KCNJ13: variants seen among roughly 807,000 people sequenced by gnomAD.
The protein encoded by KCNJ13 is inward rectifier potassium channel 13.
A neutral mutation model predicts 24.6 loss-of-function variants in KCNJ13; 9 were observed. That is an observed-to-expected ratio of 0.37 (90% CI 0.22 to 0.64). The LOEUF (loss-of-function observed/expected upper bound fraction) is 0.64, where lower values mean the gene tolerates loss of function less well. Among genes scored for constraint, KCNJ13 ranks in the 30% least tolerant of loss-of-function variants. The pLI, the probability that KCNJ13 is intolerant of heterozygous loss-of-function variation, is 0.64. For synonymous variants in KCNJ13, 148 were observed against 154.7 expected (o/e 0.96, Z 0.32); for missense variants, 337 against 443.8 (o/e 0.76, Z 2.16).
In KCNJ13 at chr2:232,768,147, A is replaced by G. The variant is rs1699050605; in HGVS notation, c.*44T>C. Reference sequence around the variant, plus strand: ...GATACAGTAAAGAAAAAGTAGCTGCATAACTGGCTGGGTGTATTTAATACA... The same window carrying G: ...GATACAGTAAAGAAAAAGTAGCTGCGTAACTGGCTGGGTGTATTTAATACA... On this transcript the variant is annotated 3_prime_UTR_variant, in exon 3 of 3. Transcript: ENST00000233826. 2 of 1,599,102 alleles carry G rather than the reference A, an allele frequency of 1.3e-6. No individual in the cohort carries two copies. Among genetic ancestry groups the G allele is most frequent in the Non-Finnish European group, 1.7e-6 (2 of 1,167,484 alleles).
At position 232,766,773 on chromosome 2, in the gene KCNJ13, C is replaced by T. The variant is rs1698980374; in HGVS notation, c.*1418G>A. ...ACTTGCTGCTGAGCCCTGCTCTTCA[C>T]ACCTGCTTGCCTTTACTCAGCTAGT... On this transcript the variant is annotated 3_prime_UTR_variant, in exon 3 of 3. Coordinates refer to ENST00000233826, the MANE Select transcript of KCNJ13 (RefSeq NM_002242.4). 3 of 152,228 alleles carry T rather than the reference C, an allele frequency of 2.0e-5. 1 individual carries two copies. In the South Asian group the frequency reaches 6.2e-4, roughly 31 times the overall value. The allele number at this position is 152,228 out of a possible 1,614,324, so 9.4% of individuals were successfully genotyped here.
In KCNJ13 at chr2:232,768,762, C is replaced by T. The variant is rs752305262; in HGVS notation, c.512G>A (p.Arg171His). 20 of 1,599,402 alleles carry T rather than the reference C, an allele frequency of 1.3e-5. No homozygotes were observed. Among genetic ancestry groups the T allele is most frequent in the East Asian group, 2.2e-5 (1 of 44,520 alleles). Residue 171 changes from arginine (R) to histidine (H), a missense_variant, in exon 3 of 3, where the codon CGC becomes CAC. Physicochemically the swap from Arg to His is conservative, Grantham distance 29. Coordinates refer to ENST00000233826, the MANE Select transcript of KCNJ13 (RefSeq NM_002242.4). ...ARPKNRAFSI[R>H]FTDTAVVAHM... is the part of the protein sequence containing the mutation. ...AGCTACTACTGCTGTGTCAGTAAAG[C>T]GAATTGAAAAAGCTCGATTTTTTGG...
chr2:232,769,678 G>A (rs937153831), intron 2 of KCNJ13, among the ~76,000 whole-genome samples: 1 of 152,060 alleles, frequency 6.6e-6, no homozygotes, highest in African/African-American at 2.4e-5. Context: ...ATATATAAGA[G>A]TTTCTTAATC....
At position 232,768,169 on chromosome 2, in the gene KCNJ13, T is replaced by C; in HGVS notation, c.*22A>G. 1 of 1,612,776 alleles carries C rather than the reference T, an allele frequency of 6.2e-7. No individual in the cohort carries two copies. The highest frequency in any genetic ancestry group is 8.5e-7 in the Non-Finnish European group (1 of 1,178,970). On this transcript the variant is annotated 3_prime_UTR_variant, in exon 3 of 3. Coordinates refer to ENST00000233826, the MANE Select transcript of KCNJ13 (RefSeq NM_002242.4). ...TGCATAACTGGCTGGGTGTATTTAATACATTAAAAAATGGATAAGTCTTAT... is the reference window on the plus strand; with the variant it reads ...TGCATAACTGGCTGGGTGTATTTAACACATTAAAAAATGGATAAGTCTTAT...
chr2:232,771,090 G>A lies in KCNJ13; in HGVS notation c.273C>T (p.Ala91=). ...CACAGATAGTGTGGTTTTCAGGTGG[G>A]GCATCATGATCTAGTTCCAGATCAC... ...MNGDLELDHD[A]PPENHTICVK... is the part of the protein sequence containing the mutation. The change falls in exon 2 of 3, where the codon GCC becomes GCT. Residue 91 remains alanine (A), a synonymous_variant. Coordinates refer to ENST00000233826, the MANE Select transcript of KCNJ13 (RefSeq NM_002242.4). 4.3e-6 allele frequency: 7 copies of A among 1,613,946 alleles called. No individual in the cohort carries two copies. The highest frequency in any genetic ancestry group is 5.9e-6 in the Non-Finnish European group (7 of 1,179,986).
intron 2 of KCNJ13, 109 bp from the exon 3 acceptor site, chr2:232,768,922 C>A: frequency 2.1e-6 from 2 of 945,830 alleles, no homozygotes; most frequent in Non-Finnish European, 3.1e-6. Context: ...GGTGCCATGC[C>A]TTTCAGTGAG....
chr2:232,767,454 T>G lies in KCNJ13; in HGVS notation c.*737A>C, dbSNP rs1699021399. On this transcript the variant is annotated 3_prime_UTR_variant, in exon 3 of 3. Coordinates refer to ENST00000233826, the MANE Select transcript of KCNJ13 (RefSeq NM_002242.4). Reference sequence around the variant, plus strand: ...CGTTTGATTATTATGGAGGACAGTTTTAAAATAAAATTTTGCGTCTCCTTG... The same window carrying G: ...CGTTTGATTATTATGGAGGACAGTTGTAAAATAAAATTTTGCGTCTCCTTG... 1 of 152,606 alleles carries G rather than the reference T, an allele frequency of 6.6e-6. No individual in the cohort carries two copies. The highest frequency in any genetic ancestry group is 1.5e-5 in the Non-Finnish European group (1 of 68,032). The allele number at this position is 152,606 out of a possible 1,614,324, so 9.5% of individuals were successfully genotyped here. A position where few individuals can be genotyped will look rare whatever the true frequency, so the allele number is the denominator to read the frequency against.
At position 232,766,263 on chromosome 2, in the gene KCNJ13, G is replaced by A. The variant is rs1698959732; in HGVS notation, c.*1928C>T. Among the ~76,000 whole-genome samples the A allele has an allele frequency of 6.6e-6, 1 of 152,122 alleles. No homozygotes were observed. Among genetic ancestry groups the A allele is most frequent in the Non-Finnish European group, 1.5e-5 (1 of 68,000 alleles). On this transcript the variant is annotated 3_prime_UTR_variant, in exon 3 of 3. Transcript: ENST00000233826. The stretch of plus-strand genomic sequence containing the variant: ...GTTTACCAATAGTTTTTTTTGGCAT[G>A]TGTAGGGGAAGTCATATTTAGTTTT...
chr2:232,768,420 C>G lies in KCNJ13; in HGVS notation c.854G>C (p.Arg285Thr). 1 of 1,614,176 alleles carries G rather than the reference C, an allele frequency of 6.2e-7. No homozygotes were observed. The highest frequency in any genetic ancestry group is 8.5e-7 in the Non-Finnish European group (1 of 1,180,010). Residue 285 changes from arginine (R) to threonine (T), a missense_variant, in exon 3 of 3, where the codon AGG becomes ACG. Physicochemically the swap from Arg to Thr is moderately conservative, Grantham distance 71. Around this residue, in one of 3 missense-constraint regions of KCNJ13, gnomAD observed 235 missense variants for 286.9 expected, o/e 0.82. Transcript: ENST00000233826. ...QEGTGEICQR[R>T]TSYLPSEIML... is the part of the protein sequence containing the mutation. ...GATTTCAGACGGTAGGTAGGATGTC[C>G]TCCTTTGGCATATTTCTCCAGTGCC...
At chr2:232,775,918 C>A (rs1166266698) in intron 1 of KCNJ13, among the ~76,000 whole-genome samples, 1 of 152,178 alleles carries the variant, frequency 6.6e-6, no homozygotes, top group African/African-American at 2.4e-5. Flanking sequence ...TGAGTTCTAA[C>A]CCTGTTATAT....
intron 1 of KCNJ13, 28 bp from the exon 2 acceptor site, chr2:232,771,406 C>A: frequency 1.4e-6 from 2 of 1,403,202 alleles, no homozygotes; most frequent in South Asian, 1.2e-5. Context: ...TTAGTAAGCT[C>A]TTAACTGTTT....
rs61323973 is a variant in KCNJ13 at position 232,773,910 on chromosome 2, TAAAAAAAAAA to T, written c.-17+2525_-16-2533del. Among the ~76,000 whole-genome samples, 744 of 112,790 alleles carry T rather than the reference TAAAAAAAAAA, an allele frequency of 6.6e-3. 4 individuals carry two copies. The highest frequency in any genetic ancestry group is 0.023 in the African/African-American group (719 of 31,528). 74.0% of individuals were successfully genotyped at this position (112,790 alleles called of 152,430 possible). On this transcript the variant is annotated intron_variant, in intron 1 of 2. Coordinates refer to ENST00000233826, the MANE Select transcript of KCNJ13 (RefSeq NM_002242.4). ...AACGTAGTGAGACTTTGTCTCTATT[TAAAAAAAAAA>T]AAAAAAAAAAAAAGGTGTCTTAAGT...
In KCNJ13 at chr2:232,771,117, A is replaced by G; in HGVS notation, c.246T>C (p.Asn82=). Residue 82 remains asparagine (N), a synonymous_variant, in exon 2 of 3, where the codon AAT becomes AAC. Transcript: ENST00000233826. ...AVLWYVLAEM[N]GDLELDHDAP... ...CATCATGATCTAGTTCCAGATCACC[A>G]TTCATCTCAGCCAGAACATACCAGA... 1.2e-6 allele frequency: 2 copies of G among 1,614,112 alleles called. No individual in the cohort carries two copies. Among genetic ancestry groups the G allele is most frequent in the Non-Finnish European group, 1.7e-6 (2 of 1,180,000 alleles).
intron 1 of KCNJ13, among the ~76,000 whole-genome samples, chr2:232,775,994 A>G (rs1699495578): frequency 6.6e-6 from 1 of 152,176 alleles, no homozygotes; most frequent in Admixed American, 6.5e-5. Flanking sequence ...CAATAATTCC[A>G]TGCTTAAAAA....
At chr2:232,771,420 A>G in intron 1 of KCNJ13, 42 bp from the exon 2 acceptor site, 7 of 1,308,386 alleles carry the variant, frequency 5.4e-6, no homozygotes, top group South Asian at 1.3e-5. Flanking sequence ...ACTGTTTTAT[A>G]GTTAATGTTT....
At chr2:232,773,504 A>G (rs1202113899) in intron 1 of KCNJ13, among the ~76,000 whole-genome samples, 1 of 152,134 alleles carries the variant, frequency 6.6e-6, no homozygotes, top group Non-Finnish European at 1.5e-5. Flanking sequence ...GTTTGGTGAA[A>G]TAACAGTCTT....
Position 232,770,956 on chromosome 2 carries a change from G to A in KCNJ13, c.407C>T (p.Ala136Val), listed in dbSNP as rs779781039. 1 of 1,614,038 alleles carries A rather than the reference G, an allele frequency of 6.2e-7. No homozygotes were observed. The highest frequency in any genetic ancestry group is 2.2e-5 in the East Asian group (1 of 44,866). ...TAGGAGCATTTGTATGGCAAGTAAG[G>A]CGATTGCACTTGGACAGTCACCACT... ...FPSGDCPSAI[A>V]LLAIQMLLGL... The change falls in exon 2 of 3, where the codon GCC becomes GTC. Residue 136 changes from alanine (A) to valine (V), a missense_variant. This residue lies in a region of KCNJ13 where 235 missense variants were observed against 286.9 expected (regional missense o/e 0.82). Transcript: ENST00000233826.
In KCNJ13 at chr2:232,768,520, G is replaced by A; in HGVS notation, c.754C>T (p.Pro252Ser). 6.2e-7 allele frequency: 1 copy of A among 1,614,106 alleles called. No homozygotes were observed. The highest frequency in any genetic ancestry group is 8.5e-7 in the Non-Finnish European group (1 of 1,179,960). ...TCATGCTGGAGCAGAGTAGCCAGAG[G>A]ACTTGATGGTGTAATGGAGTGATAG... ...TYYHSITPSS[P>S]LATLLQHENP... Residue 252 changes from proline (P) to serine (S), a missense_variant, in exon 3 of 3, where the codon CCT becomes TCT. Pro to Ser is a moderately conservative substitution (Grantham distance 74). Coordinates refer to ENST00000233826, the MANE Select transcript of KCNJ13 (RefSeq NM_002242.4).
At position 232,775,581 on chromosome 2, in the gene KCNJ13, G is replaced by A. The variant is rs368399632; in HGVS notation, c.-17+864C>T. ...AAGGTTGGGAAGGTTTGCTTCTATT[G>A]CTGTGTGTGGGCTGTAAAATATTTG... On this transcript the variant is annotated intron_variant, in intron 1 of 2. Transcript: ENST00000233826. Among the ~76,000 whole-genome samples the A allele has an allele frequency of 1.2e-4, 19 of 152,264 alleles. No homozygotes were observed. The South Asian group carries it at 3.9e-3, about 32-fold the overall frequency.
Sources: allele counts gnomAD v4.1 joint callset (sites outside exome capture counted in the v4.1 genomes callset), GRCh38; gene constraint gnomAD v4.1.1; regional missense constraint gnomAD v4.1.1; transcripts MANE v1.5; gene names NCBI Gene and HGNC (gene_info 2026-07-23, HGNC 2026-07-21).